Variants in SPTSSA observed in about 807,000 individuals in gnomAD.
SPTSSA encodes the protein small subunit of serine palmitoyltransferase A.
In SPTSSA, 8 loss-of-function variants were observed where a neutral mutation model predicts 9.1. That is an observed-to-expected ratio of 0.88 (90% CI 0.51 to 1.58). The LOEUF is 1.58. SPTSSA is among the 40% of genes most tolerant of loss of function. SPTSSA has a pLI of 0.00. For synonymous variants in SPTSSA, 42 were observed against 37.7 expected (o/e 1.11, Z -0.41); for missense variants, 100 against 93.8 (o/e 1.07, Z -0.27).
chr14:34,462,182 G>A lies in SPTSSA; in HGVS notation c.26C>T (p.Ala9Val). The change falls in exon 1 of 2, where the codon GCC becomes GTC. Residue 9 changes from alanine (A) to valine (V), a missense_variant. Physicochemically the swap from Ala to Val is moderately conservative, Grantham distance 64. Coordinates refer to ENST00000298130, the MANE Select transcript of SPTSSA (RefSeq NM_138288.4). ...GTAGAACCAGGACATCTGCTTCCAG[G>A]CCCGCGCCAGCGCCATCCCCGCCAT... MAGMALAR[A>V]WKQMSWFYYQ... The A allele has an allele frequency of 1.3e-6, 2 of 1,532,680 alleles. No individual in the cohort carries two copies. The highest frequency in any genetic ancestry group is 1.8e-6 in the Non-Finnish European group (2 of 1,135,934). The allele number at this position is 1,532,680 out of a possible 1,614,324, so 94.9% of individuals were successfully genotyped here.
At chr14:34,455,324 T>A (rs1418399827) in intron 1 of SPTSSA, among the ~76,000 whole-genome samples, 3 of 151,296 alleles carry the variant, frequency 2.0e-5, no homozygotes, top group African/African-American at 7.3e-5. Flanking sequence ...AAGGCAAAGG[T>A]TGCAAGGAGC....
At chr14:34,450,007 G>A (rs963619384) in intron 1 of SPTSSA, among the ~76,000 whole-genome samples, 2 of 152,184 alleles carry the variant, frequency 1.3e-5, no homozygotes, top group African/African-American at 4.8e-5. Context: ...CACTGTAGGA[G>A]ACCCAGGTTT....
intron 1 of SPTSSA, among the ~76,000 whole-genome samples, chr14:34,457,443 T>A (rs2138835484): frequency 6.6e-6 from 1 of 152,276 alleles, no homozygotes; most frequent in East Asian, 1.9e-4. Flanking sequence ...TAAAAATGTC[T>A]CCTCCTGAGA....
At chr14:34,437,480 C>G (rs1313018196) in intron 1 of SPTSSA, among the ~76,000 whole-genome samples, 1 of 152,208 alleles carries the variant, frequency 6.6e-6, no homozygotes, top group Non-Finnish European at 1.5e-5. Flanking sequence ...TGGATAACCC[C>G]TGACTGGTCT....
chr14:34,442,820 C>A (rs532183173), intron 1 of SPTSSA, among the ~76,000 whole-genome samples: 1 of 152,168 alleles, frequency 6.6e-6, no homozygotes, highest in African/African-American at 2.4e-5. Flanking sequence ...CTGCTTTACC[C>A]GAAATTTTGG....
In SPTSSA at chr14:34,436,000, C is replaced by A. The variant is rs923142645; in HGVS notation, c.113-696G>T. Among the ~76,000 whole-genome samples the A allele has an allele frequency of 2.6e-5, 4 of 152,044 alleles. No individual in the cohort carries two copies. In the East Asian group the frequency reaches 5.8e-4, roughly 22 times the overall value. ...GAAATAAATATACAGGAATAAAATTCTATTTAATTACTATAAAAGATCTAC... is the reference window on the plus strand; with the variant it reads ...GAAATAAATATACAGGAATAAAATTATATTTAATTACTATAAAAGATCTAC... On this transcript the variant is annotated intron_variant, in intron 1 of 1. Coordinates refer to ENST00000298130, the MANE Select transcript of SPTSSA (RefSeq NM_138288.4).
chr14:34,444,312 C>T (rs2138823113), intron 1 of SPTSSA, among the ~76,000 whole-genome samples: 1 of 152,324 alleles, frequency 6.6e-6, no homozygotes, highest in African/African-American at 2.4e-5. Flanking sequence ...TAAACTGCTT[C>T]CTTGGCTTTT....
chr14:34,433,456 T>A lies in SPTSSA; in HGVS notation c.*1745A>T, dbSNP rs1323097985. 1 of 152,162 alleles carries A rather than the reference T, an allele frequency of 6.6e-6. No individual in the cohort carries two copies. Among genetic ancestry groups the A allele is most frequent in the Admixed American group, 6.5e-5 (1 of 15,274 alleles). 9.4% of individuals were successfully genotyped at this position (152,162 alleles called of 1,614,324 possible). On this transcript the variant is annotated 3_prime_UTR_variant, in exon 2 of 2. Transcript: ENST00000298130. ...GAACAAATCTTATGTTAAATCCTCG[T>A]ATTATTTTTCTTGAGATAATATGAC...
At chr14:34,439,938 C>T (rs1322613105) in intron 1 of SPTSSA, among the ~76,000 whole-genome samples, 1 of 151,912 alleles carries the variant, frequency 6.6e-6, no homozygotes, top group African/African-American at 2.4e-5. Context: ...GTAGTTATCT[C>T]CTCTTGTATT....
intron 1 of SPTSSA, among the ~76,000 whole-genome samples, chr14:34,441,969 G>A (rs554781611): frequency 9.9e-5 from 15 of 151,992 alleles, no homozygotes; most frequent in East Asian, 9.7e-4. Flanking sequence ...TCCGCCTCCC[G>A]GGTTCAAGCA....
At chr14:34,450,820 A>G (rs1311392635) in intron 1 of SPTSSA, among the ~76,000 whole-genome samples, 5 of 152,222 alleles carry the variant, frequency 3.3e-5, no homozygotes, top group Non-Finnish European at 7.3e-5. Flanking sequence ...GGTGCTGAAG[A>G]TAAATGTTTG....
At position 34,433,737 on chromosome 14, in the gene SPTSSA, G is replaced by A. The variant is rs1311555102; in HGVS notation, c.*1464C>T. On this transcript the variant is annotated 3_prime_UTR_variant, in exon 2 of 2. Coordinates refer to ENST00000298130, the MANE Select transcript of SPTSSA (RefSeq NM_138288.4). ...CCAGCACTTTGGGAGGCCGAGGCAG[G>A]TGGATCAGGAGGTCAGGAGTTTGAG... 6.6e-6 allele frequency: 1 copy of A among 152,158 alleles called. No individual in the cohort carries two copies. Among genetic ancestry groups the A allele is most frequent in the Non-Finnish European group, 1.5e-5 (1 of 68,070 alleles). The allele number at this position is 152,158 out of a possible 1,614,324, so 9.4% of individuals were successfully genotyped here.
intron 1 of SPTSSA, among the ~76,000 whole-genome samples, chr14:34,448,613 C>A (rs886938630): frequency 6.6e-6 from 1 of 152,214 alleles, no homozygotes; most frequent in Non-Finnish European, 1.5e-5. Context: ...TATTTAAACT[C>A]GCCAAAATTC....
intron 1 of SPTSSA, among the ~76,000 whole-genome samples, chr14:34,444,415 C>T (rs1883384304): frequency 6.6e-6 from 1 of 152,120 alleles, no homozygotes; most frequent in South Asian, 2.1e-4. Context: ...AACAGTCAAA[C>T]CTTATCAGAA....
At chr14:34,443,134 G>T (rs1420705476) in intron 1 of SPTSSA, among the ~76,000 whole-genome samples, 4 of 36,978 alleles carry the variant, frequency 1.1e-4, no homozygotes, top group African/African-American at 2.3e-4. Flanking sequence ...TGCTTCTAGG[G>T]GTGTGTGTGT....
At chr14:34,436,462 ATTC>A (rs1411782869) in intron 1 of SPTSSA, among the ~76,000 whole-genome samples, 1 of 152,012 alleles carries the variant, frequency 6.6e-6, no homozygotes, top group East Asian at 1.9e-4. Flanking sequence ...TCATATTCTC[ATTC>A]TTCTCTCTCT....
chr14:34,462,195 C>T lies in SPTSSA; in HGVS notation c.13G>A (p.Ala5Thr). The T allele has an allele frequency of 1.3e-6, 2 of 1,531,192 alleles. No individual in the cohort carries two copies. Among genetic ancestry groups the T allele is most frequent in the Non-Finnish European group, 1.8e-6 (2 of 1,135,052 alleles). 94.9% of individuals were successfully genotyped at this position (1,531,192 alleles called of 1,614,324 possible). A position where few individuals can be genotyped will look rare whatever the true frequency, so the allele number is the denominator to read the frequency against. ...ATCTGCTTCCAGGCCCGCGCCAGCG[C>T]CATCCCCGCCATGCGCCTCCCGCGA... MAGM[A>T]LARAWKQMSW... The change falls in exon 1 of 2, where the codon GCG (alanine) becomes ACG (threonine). Residue 5 changes from alanine to threonine, a missense_variant. By Grantham distance (58) the Ala-to-Thr change is moderately conservative (BLOSUM62 0). Coordinates refer to ENST00000298130, the MANE Select transcript of SPTSSA (RefSeq NM_138288.4).
At position 34,458,641 on chromosome 14, in the gene SPTSSA, C is replaced by T. The variant is rs147301045; in HGVS notation, c.112+3455G>A. 1.3e-4 allele frequency among the ~76,000 whole-genome samples: 18 copies of T among 141,546 alleles called. No homozygotes were observed. In the Middle Eastern group the frequency reaches 0.016, roughly 128 times the overall value. 92.9% of individuals were successfully genotyped at this position (141,546 alleles called of 152,430 possible). On this transcript the variant is annotated intron_variant, in intron 1 of 1. Coordinates refer to ENST00000298130, the MANE Select transcript of SPTSSA (RefSeq NM_138288.4). ...CCTCCCGAGTAGCTGGGACTACAGT[C>T]GTGCGCCACCACACTCAGCTAATTT...
chr14:34,441,750 A>G (rs1238653866), intron 1 of SPTSSA, among the ~76,000 whole-genome samples: 1 of 152,052 alleles, frequency 6.6e-6, no homozygotes, highest in Non-Finnish European at 1.5e-5. Context: ...GTTTCTGGCC[A>G]TGGCCAGTGA....
Sources: gnomAD v4.1 joint callset for allele counts (sites outside exome capture counted in the v4.1 genomes callset) on GRCh38, gnomAD v4.1.1 for gene constraint, MANE v1.5 for transcripts, NCBI Gene and HGNC (gene_info 2026-07-23, HGNC 2026-07-21) for gene names.